The following CERS6 variants were observed in gnomAD, a reference collection of about 807,000 sequenced individuals.
The protein encoded by CERS6 is ceramide synthase 6.
In CERS6, 26 loss-of-function variants were observed where a neutral mutation model predicts 56.8. The ratio of observed to expected loss-of-function variants is 0.46; its 90% CI spans 0.34 to 0.63. CERS6 has a LOEUF of 0.63. CERS6 is among the 30% of genes least tolerant of loss of function. CERS6 has a pLI of 0.01. For missense variants in CERS6, 415 were observed against 467.5 expected, an observed-to-expected ratio of 0.89 and a Z score of 1.04; for synonymous variants, 164 against 173.3, an observed-to-expected ratio of 0.95 and a Z score of 0.42.
intron 3 of CERS6, among the ~76,000 whole-genome samples, chr2:168,594,312 C>T (rs1683743592): frequency 6.6e-6 from 1 of 152,286 alleles, no homozygotes; most frequent in East Asian, 1.9e-4. Flanking sequence ...TAAATTCATT[C>T]ATGGGTTCAT....
At position 168,555,082 on chromosome 2, in the gene CERS6, T is replaced by G. The variant is rs114491362; in HGVS notation, c.277-6110T>G. On this transcript the variant is annotated intron_variant, in intron 2 of 9. Transcript: ENST00000305747. ...AATTAGGAAGATCTAAGGGGGTACA[T>G]TTATAATCCTATATTCTGAATGTAG... Among the ~76,000 whole-genome samples, 326 of 152,164 alleles carry G rather than the reference T, an allele frequency of 2.1e-3. 2 individuals carry two copies. The highest frequency in any genetic ancestry group is 3.1e-3 in the Non-Finnish European group (212 of 67,960).
intron 4 of CERS6, among the ~76,000 whole-genome samples, chr2:168,645,975 A>G (rs769359606): frequency 2.0e-5 from 3 of 152,094 alleles, no homozygotes; most frequent in Non-Finnish European, 4.4e-5. Context: ...TGTCTTTGCT[A>G]TTGCAAATAG....
chr2:168,613,046 G>T (rs1443882775), intron 3 of CERS6, among the ~76,000 whole-genome samples: 1 of 152,168 alleles, frequency 6.6e-6, no homozygotes, highest in African/African-American at 2.4e-5. Flanking sequence ...GGAAGTAAAT[G>T]AAACGGATAT....
chr2:168,577,535 A>G (rs1055667157), intron 3 of CERS6, among the ~76,000 whole-genome samples: 22 of 152,134 alleles, frequency 1.4e-4, no homozygotes, highest in African/African-American at 5.1e-4. Flanking sequence ...TACTGATGGG[A>G]ATGATCCAGC....
intron 1 of CERS6, among the ~76,000 whole-genome samples, chr2:168,535,034 C>G (rs187048080): frequency 6.6e-6 from 1 of 152,228 alleles, no homozygotes; most frequent in Admixed American, 6.5e-5. Flanking sequence ...GTCGGGGACA[C>G]GTCTTGGGAC....
chr2:168,759,888 G>A (rs1250297294), intron 8 of CERS6, among the ~76,000 whole-genome samples: 4 of 150,762 alleles, frequency 2.7e-5, no homozygotes, highest in Non-Finnish European at 4.4e-5. Context: ...AAAGCTGTAC[G>A]TTGTGTGTGT....
chr2:168,592,786 C>T (rs1683706085), intron 3 of CERS6, among the ~76,000 whole-genome samples: 1 of 152,176 alleles, frequency 6.6e-6, no homozygotes, highest in African/African-American at 2.4e-5. Context: ...CTAATAACAG[C>T]TTCATGAAAG....
At chr2:168,478,051 G>A (rs1038214478) in intron 1 of CERS6, among the ~76,000 whole-genome samples, 18 of 151,560 alleles carry the variant, frequency 1.2e-4, no homozygotes, top group African/African-American at 4.4e-4. Flanking sequence ...TTTTTCCCTG[G>A]CTGAAGGTTT....
At position 168,512,514 on chromosome 2, in the gene CERS6, A is replaced by G. The variant is rs549463064; in HGVS notation, c.171-35082A>G. ...ACCTATTGGTTTCTTGTGACATTTC[A>G]GTCATCATAATCTTTTTTAAAACTT... is the stretch of plus-strand genomic sequence containing the variant. On this transcript the variant is annotated intron_variant, in intron 1 of 9. Coordinates refer to ENST00000305747, the MANE Select transcript of CERS6 (RefSeq NM_203463.3). 4.6e-5 allele frequency among the ~76,000 whole-genome samples: 7 copies of G among 152,132 alleles called. 1 individual carries two copies. Among genetic ancestry groups the G allele is most frequent in the African/African-American group, 1.7e-4 (7 of 41,504 alleles).
chr2:168,760,148 C>T (rs1352803668), intron 8 of CERS6, among the ~76,000 whole-genome samples: 1 of 152,096 alleles, frequency 6.6e-6, no homozygotes, highest in African/African-American at 2.4e-5. Flanking sequence ...TCAGGATTCC[C>T]TAGAGAGACA....
At chr2:168,663,088 GT>G (rs1488123053) in intron 4 of CERS6, among the ~76,000 whole-genome samples, 3 of 152,276 alleles carry the variant, frequency 2.0e-5, no homozygotes, top group South Asian at 4.1e-4. Context: ...GGTTTATGTT[GT>G]TTTGCATTCA....
intron 4 of CERS6, among the ~76,000 whole-genome samples, chr2:168,642,813 A>G (rs1361434120): frequency 6.6e-6 from 1 of 152,222 alleles, no homozygotes; most frequent in Admixed American, 6.5e-5. Context: ...TACATACTAG[A>G]GGACACTTAG....
intron 8 of CERS6, among the ~76,000 whole-genome samples, chr2:168,747,270 A>T (rs1049492866): frequency 6.7e-6 from 1 of 149,540 alleles, no homozygotes; most frequent in African/African-American, 2.5e-5. Context: ...TGGGCAATGG[A>T]GTGAGACCCT....
intron 3 of CERS6, among the ~76,000 whole-genome samples, chr2:168,629,159 A>G (rs1051167487): frequency 3.9e-5 from 6 of 152,220 alleles, no homozygotes; most frequent in African/African-American, 1.4e-4. Context: ...GTGTTATGAA[A>G]ACTGGGTCAT....
intron 1 of CERS6, among the ~76,000 whole-genome samples, chr2:168,492,423 G>C (rs1047916880): frequency 1.3e-5 from 2 of 152,170 alleles, no homozygotes; most frequent in African/African-American, 4.8e-5. Flanking sequence ...CTTCTTTTGA[G>C]AAGTGTCTGT....
intron 4 of CERS6, among the ~76,000 whole-genome samples, chr2:168,679,874 A>G (rs987121309): frequency 7.2e-5 from 11 of 152,162 alleles, no homozygotes; most frequent in Non-Finnish European, 1.2e-4. Flanking sequence ...CATTGTTCTT[A>G]TTTATGAGCA....
At chr2:168,745,393 C>T (rs555800441) in intron 8 of CERS6, among the ~76,000 whole-genome samples, 2 of 152,212 alleles carry the variant, frequency 1.3e-5, no homozygotes, top group Non-Finnish European at 1.5e-5. Flanking sequence ...AGGCGCCCAC[C>T]ACCACGCCTA....
intron 4 of CERS6, among the ~76,000 whole-genome samples, chr2:168,639,123 G>T (rs1382243215): frequency 6.6e-6 from 1 of 152,070 alleles, no homozygotes; most frequent in African/African-American, 2.4e-5. Context: ...GTCCCCTGAA[G>T]GCATAGACTT....
chr2:168,568,210 T>A (rs866792324), intron 3 of CERS6, among the ~76,000 whole-genome samples: 2 of 152,246 alleles, frequency 1.3e-5, no homozygotes, highest in Non-Finnish European at 2.9e-5. Flanking sequence ...TCAGTTGTTA[T>A]GTAAAGTCTA....
Sources: allele counts gnomAD v4.1 joint callset (sites outside exome capture counted in the v4.1 genomes callset), GRCh38; gene constraint gnomAD v4.1.1; transcripts MANE v1.5; gene names NCBI Gene and HGNC (gene_info 2026-07-23, HGNC 2026-07-21).